Variants in RAB3GAP1 observed in about 807,000 individuals in gnomAD.
RAB3GAP1 encodes rab3 GTPase-activating protein catalytic subunit.
A neutral mutation model predicts 130.7 loss-of-function variants in RAB3GAP1; 86 were observed. That is an observed-to-expected ratio of 0.66 (90% CI 0.55 to 0.79). The LOEUF is 0.79. Among genes scored for constraint, RAB3GAP1 ranks in the 30% least tolerant of loss-of-function variants. The pLI is 0.00. For synonymous variants in RAB3GAP1, 367 were observed against 401.7 expected, an observed-to-expected ratio of 0.91 and a Z score of 1.03; for missense variants, 1,029 against 1,169.4, an observed-to-expected ratio of 0.88 and a Z score of 1.75.
At position 135,159,053 on chromosome 2, in the gene RAB3GAP1, C is replaced by G. The variant is rs145922624; in HGVS notation, c.2290-3502C>G. On this transcript the variant is annotated intron_variant, in intron 19 of 23. Coordinates refer to ENST00000264158, the MANE Select transcript of RAB3GAP1 (RefSeq NM_012233.3). Reference sequence around the variant, plus strand: ...GGCCAAGACTGGAACAATTTGAACACCAAAATAAAATAATATTGGATTGTA... The same window carrying G: ...GGCCAAGACTGGAACAATTTGAACAGCAAAATAAAATAATATTGGATTGTA... 4.7e-4 allele frequency among the ~76,000 whole-genome samples: 72 copies of G among 152,182 alleles called. 2 individuals carry two copies. The East Asian group carries it at 0.013, about 29-fold the overall frequency.
intron 17 of RAB3GAP1, among the ~76,000 whole-genome samples, chr2:135,146,196 GT>G (rs1444898730): frequency 9.1e-6 from 1 of 110,034 alleles, no homozygotes; most frequent in African/African-American, 3.8e-5. Flanking sequence ...GTGCATATTT[GT>G]TCTTTTTTTT....
intron 7 of RAB3GAP1, among the ~76,000 whole-genome samples, chr2:135,119,171 C>T (rs1187967804): frequency 2.0e-5 from 3 of 148,036 alleles, no homozygotes; most frequent in Admixed American, 6.8e-5. Flanking sequence ...TGCAGTGGCA[C>T]GATCTTGGCT....
intron 17 of RAB3GAP1, among the ~76,000 whole-genome samples, chr2:135,139,364 A>T (rs1220131807): frequency 1.3e-5 from 2 of 151,928 alleles, no homozygotes; most frequent in African/African-American, 4.8e-5. Flanking sequence ...AACATGACAA[A>T]ACCCCGTCTC....
At chr2:135,130,119 A>T (rs1460666898) in intron 12 of RAB3GAP1, 32 bp downstream of exon 12, 2 of 1,499,160 alleles carry the variant, frequency 1.3e-6, no homozygotes, top group Non-Finnish European at 1.9e-6. Flanking sequence ...CATTACTTTC[A>T]AATGTCTTAC....
At chr2:135,139,370 G>A (rs529446190) in intron 17 of RAB3GAP1, among the ~76,000 whole-genome samples, 1 of 151,778 alleles carries the variant, frequency 6.6e-6, no homozygotes, top group South Asian at 2.1e-4. Flanking sequence ...ACAAAACCCC[G>A]TCTCTACAAA....
At chr2:135,074,986 C>T (rs1011867595) in intron 3 of RAB3GAP1, among the ~76,000 whole-genome samples, 1 of 152,136 alleles carries the variant, frequency 6.6e-6, no homozygotes, top group African/African-American at 2.4e-5. Flanking sequence ...TTCTCCCCCA[C>T]CTGGGACCCC....
intron 7 of RAB3GAP1, among the ~76,000 whole-genome samples, chr2:135,117,462 G>GCTTCTTCTTCTT (rs1284949739): frequency 7.2e-5 from 3 of 41,786 alleles, no homozygotes; most frequent in South Asian, 1.2e-3. Context: ...TTCTGCTTCT[G>GCTTCTTCTTCTT]CTTCTGCTTC....
In RAB3GAP1 at chr2:135,120,836, A is replaced by G. The variant is rs1691175481; in HGVS notation, c.666A>G (p.Pro222=). The G allele has an allele frequency of 2.5e-6, 4 of 1,611,086 alleles. No individual in the cohort carries two copies. Among genetic ancestry groups the G allele is most frequent in the South Asian group, 2.2e-5 (2 of 90,994 alleles). The change falls in exon 8 of 24, where the codon CCA becomes CCG. Residue 222 remains proline (P), a synonymous_variant. Coordinates refer to ENST00000264158, the MANE Select transcript of RAB3GAP1 (RefSeq NM_012233.3). The part of the protein sequence containing the change: ...FKSKIGCPLT[P]LPPVSIAIRF... ...TTTCCTAGGGATGTCCTTTAACTCCATTGCCTCCAGTTAGTATTGCTATTC... is the reference window on the plus strand; with the variant it reads ...TTTCCTAGGGATGTCCTTTAACTCCGTTGCCTCCAGTTAGTATTGCTATTC...
chr2:135,070,646 T>G (rs573052809), intron 3 of RAB3GAP1, among the ~76,000 whole-genome samples: 6 of 152,290 alleles, frequency 3.9e-5, no homozygotes, highest in African/African-American at 1.2e-4. Context: ...TGTCTAGGAT[T>G]ACAGGTGCCC....
At chr2:135,060,344 C>T (rs547507217) in intron 3 of RAB3GAP1, among the ~76,000 whole-genome samples, 1 of 150,126 alleles carries the variant, frequency 6.7e-6, no homozygotes, top group East Asian at 2.0e-4. Context: ...ACCGCAACCT[C>T]CACCTCCCGG....
intron 19 of RAB3GAP1, among the ~76,000 whole-genome samples, chr2:135,159,026 C>T (rs2104991724): frequency 6.6e-6 from 1 of 152,302 alleles, no homozygotes; most frequent in South Asian, 2.1e-4. Flanking sequence ...GAGTTCCCAA[C>T]TGGCCAAGAC....
At position 135,126,664 on chromosome 2, in the gene RAB3GAP1, A is replaced by T; in HGVS notation, c.973+8A>T. ...ATCCTCAGTGTTTGCTAGGTAAGGTATATTATGCTCCTTTCCTGAAATACT... is the reference window on the plus strand; with the variant it reads ...ATCCTCAGTGTTTGCTAGGTAAGGTTTATTATGCTCCTTTCCTGAAATACT... On this transcript the variant is annotated splice_region_variant and intron_variant, in intron 11 of 23. Coordinates refer to ENST00000264158, the MANE Select transcript of RAB3GAP1 (RefSeq NM_012233.3). 6.3e-7 allele frequency: 1 copy of T among 1,599,240 alleles called. No homozygotes were observed. The highest frequency in any genetic ancestry group is 8.6e-7 in the Non-Finnish European group (1 of 1,166,584).
At chr2:135,173,771 G>A (rs1473679210), downstream of RAB3GAP1, among the ~76,000 whole-genome samples, 1 of 152,192 alleles carries the variant, frequency 6.6e-6, no homozygotes, top group Non-Finnish European at 1.5e-5. Flanking sequence ...CAGTCCAACA[G>A]GTGGCCCGTC....
intron 14 of RAB3GAP1, 28 bp from the exon 15 acceptor site, chr2:135,133,833 T>C: frequency 1.9e-6 from 3 of 1,602,690 alleles, no homozygotes; most frequent in Non-Finnish European, 2.6e-6. Flanking sequence ...GTAACAAGTT[T>C]GCTTTGTTTC....
chr2:135,079,992 C>G (rs1689744462), intron 3 of RAB3GAP1, among the ~76,000 whole-genome samples: 1 of 151,892 alleles, frequency 6.6e-6, no homozygotes, highest in Non-Finnish European at 1.5e-5. Flanking sequence ...TGGCGGGCGC[C>G]TGTAGTCCCA....
intron 7 of RAB3GAP1, among the ~76,000 whole-genome samples, chr2:135,117,572 T>A: frequency 7.4e-6 from 1 of 135,990 alleles, no homozygotes; most frequent in Non-Finnish European, 1.6e-5. Context: ...CTTCTTCTGC[T>A]TCTTCTTCTG....
chr2:135,164,579 G>T lies in RAB3GAP1; in HGVS notation c.2607-15G>T. ...CTCACTTTCCACCCTTTCATTGCCT[G>T]TCTCTGTCTCCTAGGTTTGTGAGTT... is the stretch of plus-strand genomic sequence containing the variant. On this transcript the variant is annotated splice_polypyrimidine_tract_variant and intron_variant, in intron 22 of 23. Transcript: ENST00000264158. 1 of 1,593,942 alleles carries T rather than the reference G, an allele frequency of 6.3e-7. No individual in the cohort carries two copies. The highest frequency in any genetic ancestry group is 8.6e-7 in the Non-Finnish European group (1 of 1,162,800).
rs114008293 is a variant in RAB3GAP1, at chr2:135,099,101, T to C, written c.362+5408T>C. On this transcript the variant is annotated intron_variant, in intron 5 of 23. Coordinates refer to ENST00000264158, the MANE Select transcript of RAB3GAP1 (RefSeq NM_012233.3). ...CTAGGGCTTCCAGTAAAATATTGAA[T>C]AGGAGTTGCTTATCTCAGGGGGACA... Among the ~76,000 whole-genome samples the C allele has an allele frequency of 9.8e-3, 1,486 of 152,248 alleles. 23 individuals are homozygous for C. The highest frequency in any genetic ancestry group is 0.034 in the African/African-American group (1,417 of 41,542).
At chr2:135,083,278 A>G (rs1454210068) in intron 3 of RAB3GAP1, among the ~76,000 whole-genome samples, 1 of 152,146 alleles carries the variant, frequency 6.6e-6, no homozygotes, top group African/African-American at 2.4e-5. Flanking sequence ...ATGAGCATTC[A>G]TCGCATTAAG....
Sources: gnomAD v4.1 joint callset for allele counts (sites outside exome capture counted in the v4.1 genomes callset) on GRCh38, gnomAD v4.1.1 for gene constraint, MANE v1.5 for transcripts, NCBI Gene and HGNC (gene_info 2026-07-23, HGNC 2026-07-21) for gene names.